CIMAP1D: variants seen among roughly 807,000 people sequenced by gnomAD.
CIMAP1D encodes protein CIMAP1D.
chr19:473,889 CA>C, the CIMAP1D span, among the ~76,000 whole-genome samples: 1 of 144,032 alleles, frequency 6.9e-6, no homozygotes, highest in East Asian at 2.0e-4. Context: ...GGCAGAGATA[CA>C]CGGTCACAGA....
chr19:477,807 C>T, the CIMAP1D span, among the ~76,000 whole-genome samples: 1 of 152,212 alleles, frequency 6.6e-6, no homozygotes, highest in Non-Finnish European at 1.5e-5. Context: ...GGACTGCAGA[C>T]ACGCGCCACG....
chr19:464,397 T>A, the CIMAP1D span: 2 of 1,296,486 alleles, frequency 1.5e-6, no homozygotes, highest in Non-Finnish European at 2.2e-6. Context: ...GTGGCACTGA[T>A]GTCCTCACCT....
At chr19:471,675 A>G in the CIMAP1D span, among the ~76,000 whole-genome samples, 1 of 151,834 alleles carries the variant, frequency 6.6e-6, no homozygotes, top group Non-Finnish European at 1.5e-5. Flanking sequence ...AATCCTTACA[A>G]CAGGCCTGTA....
chr19:473,907 A>G, the CIMAP1D span, among the ~76,000 whole-genome samples: 9,609 of 39,776 alleles, frequency 0.24, 2 homozygotes, highest in Non-Finnish European at 0.32. Flanking sequence ...CAGATGGGGA[A>G]ACTGAGGCCC....
At chr19:486,926 G>A in the CIMAP1D span, among the ~76,000 whole-genome samples, 31 of 151,954 alleles carry the variant, frequency 2.0e-4, no homozygotes, top group Middle Eastern at 3.4e-3. Flanking sequence ...AAAAAAGAAG[G>A]AAAGAAATAG....
the CIMAP1D span, among the ~76,000 whole-genome samples, chr19:488,414 C>T: frequency 6.6e-6 from 1 of 152,250 alleles, no homozygotes; most frequent in Admixed American, 6.5e-5. Flanking sequence ...CCCAGCTACT[C>T]GGGAGGCTGA....
the CIMAP1D span, among the ~76,000 whole-genome samples, chr19:491,464 C>T: frequency 6.6e-6 from 1 of 152,140 alleles, no homozygotes; most frequent in African/African-American, 2.4e-5. Context: ...CTGTGCGGCT[C>T]CTGGCTGGGC....
the CIMAP1D span, among the ~76,000 whole-genome samples, chr19:483,467 C>T: frequency 2.0e-5 from 3 of 152,198 alleles, no homozygotes; most frequent in African/African-American, 7.2e-5. Flanking sequence ...GGCATGCAGG[C>T]TCACCCTCGT....
chr19:489,430 C>G, the CIMAP1D span: 1 of 152,734 alleles, frequency 6.5e-6, no homozygotes, highest in Non-Finnish European at 1.5e-5. Context: ...ACGCCCGACC[C>G]GCCCTCGCAG....
chr19:478,915 A>T, the CIMAP1D span, among the ~76,000 whole-genome samples: 1 of 152,242 alleles, frequency 6.6e-6, no homozygotes, highest in Non-Finnish European at 1.5e-5. Context: ...AGGTGCTGGG[A>T]AAACGGGAGA....
the CIMAP1D span, among the ~76,000 whole-genome samples, chr19:485,597 G>C: frequency 2.0e-5 from 3 of 152,220 alleles, no homozygotes; most frequent in African/African-American, 7.2e-5. Context: ...TGACCTCCTG[G>C]GGTTAGCGAT....
At chr19:485,970 C>T in the CIMAP1D span, among the ~76,000 whole-genome samples, 7 of 152,218 alleles carry the variant, frequency 4.6e-5, no homozygotes, top group Admixed American at 3.3e-4. Context: ...TGCTGCTGCC[C>T]GCCCCTTTGT....
chr19:490,868 G>A, the CIMAP1D span, among the ~76,000 whole-genome samples: 1 of 152,358 alleles, frequency 6.6e-6, no homozygotes, highest in African/African-American at 2.4e-5. Flanking sequence ...GGAGGCCAAG[G>A]CGGGCGGATC....
the CIMAP1D span, among the ~76,000 whole-genome samples, chr19:486,671 T>G: frequency 1.4e-4 from 21 of 151,566 alleles, no homozygotes; most frequent in Admixed American, 1.2e-3. Context: ...TCCCAGCACT[T>G]TGGGAGGCTG....
the CIMAP1D span, among the ~76,000 whole-genome samples, chr19:486,283 T>C: frequency 6.6e-6 from 1 of 152,144 alleles, no homozygotes; most frequent in Non-Finnish European, 1.5e-5. Flanking sequence ...CTTCCTGCCC[T>C]CTCTGGCTGC....
At chr19:467,591 G>T in the CIMAP1D span, 1 of 1,052,416 alleles carries the variant, frequency 9.5e-7, no homozygotes, top group Non-Finnish European at 1.5e-6. Context: ...CAGGGCAGGA[G>T]AGTCGCTGAG....
the CIMAP1D span, among the ~76,000 whole-genome samples, chr19:467,174 G>A: frequency 6.8e-6 from 1 of 147,466 alleles, no homozygotes; most frequent in Non-Finnish European, 1.5e-5. Context: ...GTGGGTGGAT[G>A]GATGAATGGA....
At chr19:488,134 G>C in the CIMAP1D span, among the ~76,000 whole-genome samples, 1 of 152,116 alleles carries the variant, frequency 6.6e-6, no homozygotes, top group Non-Finnish European at 1.5e-5. Context: ...GAGTCTTGCC[G>C]ATGGCCCCGG....
chr19:488,402 G>A, the CIMAP1D span, among the ~76,000 whole-genome samples: 7 of 151,984 alleles, frequency 4.6e-5, no homozygotes, highest in Admixed American at 1.3e-4. Context: ...GGCGCCTGTA[G>A]TCCCAGCTAC....
Sources: gnomAD v4.1 joint callset for allele counts (sites outside exome capture counted in the v4.1 genomes callset) on GRCh38, gnomAD v4.1.1 for gene constraint, MANE v1.5 for transcripts, NCBI Gene and HGNC (gene_info 2026-07-23, HGNC 2026-07-21) for gene names.